SAMD12: variants seen among roughly 807,000 people sequenced by gnomAD.
SAMD12 encodes the protein sterile alpha motif domain containing 12.
SAMD12 carries 9 observed loss-of-function variants against 15.0 expected under a neutral mutation model. The ratio of observed to expected loss-of-function variants is 0.60; its 90% CI spans 0.36 to 1.05. SAMD12 has a LOEUF of 1.05. Among genes scored for constraint, SAMD12 ranks in the 50% least tolerant of loss-of-function variants. The probability of loss-of-function intolerance (pLI) is 0.01; values close to 1 mark genes in which losing one functional copy is unlikely to be tolerated. For synonymous variants in SAMD12, 86 were observed against 90.1 expected, an observed-to-expected ratio of 0.96 and a Z score of 0.25; for missense variants, 230 against 234.2, an observed-to-expected ratio of 0.98 and a Z score of 0.12.
At chr8:118,155,738 A>G in the SAMD12 span, among the ~76,000 whole-genome samples, 2 of 152,234 alleles carry the variant, frequency 1.3e-5, no homozygotes, top group Non-Finnish European at 2.9e-5. Context: ...ACACCTTAGC[A>G]CATGTCTAGT....
chr8:118,208,258 AAAAAT>A (rs754477282), intron 4 of SAMD12, among the ~76,000 whole-genome samples: 4 of 152,340 alleles, frequency 2.6e-5, no homozygotes, highest in South Asian at 2.1e-4. Context: ...ACTCTGTCTC[AAAAAT>A]AAAATAAAAT....
At chr8:118,206,839 G>A (rs762285642) in intron 4 of SAMD12, among the ~76,000 whole-genome samples, 1 of 152,166 alleles carries the variant, frequency 6.6e-6, no homozygotes, top group Non-Finnish European at 1.5e-5. Context: ...GCTAGTCTGA[G>A]GACCTCTCTG....
chr8:118,509,547 T>C (rs1416992283), intron 2 of SAMD12, among the ~76,000 whole-genome samples: 1 of 152,240 alleles, frequency 6.6e-6, no homozygotes, highest in Non-Finnish European at 1.5e-5. Context: ...GAAATGGTTC[T>C]ACTTCTGAAG....
At chr8:118,194,983 T>C (rs1819518189) in exon 5 of SAMD12, 2 of 152,214 alleles carry the variant, frequency 1.3e-5, no homozygotes, top group African/African-American at 4.8e-5. Context: ...AAATATGGAA[T>C]ATGTGCCAGG....
chr8:118,500,660 G>T (rs1473046926), intron 2 of SAMD12, among the ~76,000 whole-genome samples: 3 of 151,992 alleles, frequency 2.0e-5, no homozygotes, highest in Non-Finnish European at 2.9e-5. Context: ...ACAAAAATTA[G>T]CTGGGCGTGG....
At chr8:118,498,097 T>G (rs1044840700) in intron 2 of SAMD12, among the ~76,000 whole-genome samples, 1 of 152,206 alleles carries the variant, frequency 6.6e-6, no homozygotes, top group Non-Finnish European at 1.5e-5. Context: ...ATGTGTTATA[T>G]CAGGATATGC....
chr8:118,287,291 A>AT (rs34937389), intron 4 of SAMD12, among the ~76,000 whole-genome samples: 2 of 151,082 alleles, frequency 1.3e-5, no homozygotes, highest in Non-Finnish European at 3.0e-5. Flanking sequence ...CGCCCGGCTA[A>AT]TTTTTTTGTA....
intron 3 of SAMD12, among the ~76,000 whole-genome samples, chr8:118,382,034 C>T (rs554771120): frequency 8.5e-5 from 13 of 152,166 alleles, no homozygotes; most frequent in Non-Finnish European, 1.8e-4. Context: ...CACTGTCAGA[C>T]CTTAGTCCAG....
chr8:118,514,885 T>C (rs922265962), intron 2 of SAMD12, among the ~76,000 whole-genome samples: 1 of 152,232 alleles, frequency 6.6e-6, no homozygotes, highest in African/African-American at 2.4e-5. Context: ...TCATGTCAAA[T>C]TGTAATTCCC....
At chr8:118,216,747 A>G (rs557277112) in intron 4 of SAMD12, among the ~76,000 whole-genome samples, 32 of 152,376 alleles carry the variant, frequency 2.1e-4, no homozygotes, top group African/African-American at 4.3e-4. Context: ...GCATAATGAT[A>G]GATTTTGGAA....
downstream of SAMD12, among the ~76,000 whole-genome samples, chr8:118,374,920 T>C (rs1011872792): frequency 6.6e-6 from 1 of 152,124 alleles, no homozygotes; most frequent in Non-Finnish European, 1.5e-5. Context: ...TTTTCTATTC[T>C]GTGTTGTCTT....
intron 4 of SAMD12, among the ~76,000 whole-genome samples, chr8:118,236,104 C>T (rs1020846903): frequency 3.9e-5 from 6 of 152,156 alleles, no homozygotes; most frequent in Non-Finnish European, 5.9e-5. Context: ...AATGAATATT[C>T]GCAGTTATGA....
At chr8:118,520,034 G>A (rs1008960954) in intron 2 of SAMD12, among the ~76,000 whole-genome samples, 3 of 152,120 alleles carry the variant, frequency 2.0e-5, no homozygotes, top group Non-Finnish European at 2.9e-5. Context: ...AGAGCTTTTC[G>A]TGGTCCCACA....
At position 118,269,960 on chromosome 8, in the gene SAMD12, A is replaced by G. The variant is rs1384412007; in HGVS notation, c.434-72228T>C. Reference sequence around the variant, plus strand: ...TCTCATCTGTGCAATGGGAGTTGTTAGGCTTGCAAACTGGGGTCAGCAGAC... The same window carrying G: ...TCTCATCTGTGCAATGGGAGTTGTTGGGCTTGCAAACTGGGGTCAGCAGAC... On this transcript the variant is annotated intron_variant, in intron 4 of 4. Transcript: ENST00000409003. Among the ~76,000 whole-genome samples the G allele has an allele frequency of 2.6e-5, 4 of 152,176 alleles. No homozygotes were observed. The East Asian group carries it at 7.7e-4, about 29-fold the overall frequency.
At chr8:118,146,747 G>A in the SAMD12 span, among the ~76,000 whole-genome samples, 1 of 152,148 alleles carries the variant, frequency 6.6e-6, no homozygotes, top group Non-Finnish European at 1.5e-5. Flanking sequence ...AAAAACTGAC[G>A]AGCCACACTG....
rs1040550352 is a variant in SAMD12 at position 118,498,889 on chromosome 8, T to C, written c.193-58928A>G. Among the ~76,000 whole-genome samples, 137 of 152,278 alleles carry C rather than the reference T, an allele frequency of 9.0e-4. 1 individual carries two copies. The highest frequency in any genetic ancestry group is 3.1e-3 in the African/African-American group (128 of 41,558). ...GAACCTTTCCTCAGACAGTATAGTGTCTTGTGCTATGAAGTATTTTCCATA... is the reference window on the plus strand; with the variant it reads ...GAACCTTTCCTCAGACAGTATAGTGCCTTGTGCTATGAAGTATTTTCCATA... On this transcript the variant is annotated intron_variant, in intron 2 of 3. Coordinates refer to ENST00000314727, the MANE Select transcript of SAMD12 (RefSeq NM_207506.3).
At chr8:118,412,116 A>G (rs1003882005) in intron 3 of SAMD12, among the ~76,000 whole-genome samples, 2 of 152,216 alleles carry the variant, frequency 1.3e-5, no homozygotes, top group African/African-American at 4.8e-5. Flanking sequence ...AACACAGAGA[A>G]TCATTCCCAG....
intron 4 of SAMD12, among the ~76,000 whole-genome samples, chr8:118,302,504 T>C (rs914064668): frequency 2.0e-5 from 3 of 152,196 alleles, no homozygotes; most frequent in Non-Finnish European, 2.9e-5. Flanking sequence ...CATGGTGCCA[T>C]GAGCAACAGT....
At chr8:118,475,337 C>T (rs1823925720) in intron 2 of SAMD12, among the ~76,000 whole-genome samples, 2 of 152,330 alleles carry the variant, frequency 1.3e-5, no homozygotes, top group Non-Finnish European at 2.9e-5. Context: ...GCCTCTCCTT[C>T]ACCATTCTCC....
Sources: allele counts gnomAD v4.1 joint callset (sites outside exome capture counted in the v4.1 genomes callset), GRCh38; gene constraint gnomAD v4.1.1; transcripts MANE v1.5; gene names NCBI Gene and HGNC (gene_info 2026-07-23, HGNC 2026-07-21).